Variants in TMEM116 observed in about 807,000 individuals in gnomAD.
The protein encoded by TMEM116 is transmembrane protein 116.
Under a neutral mutation model 44.3 loss-of-function variants are expected in TMEM116, and 38 were observed. That is an observed-to-expected ratio of 0.86 (90% CI 0.66 to 1.12). The LOEUF (loss-of-function observed/expected upper bound fraction) is 1.12. Ranked by LOEUF, TMEM116 falls within the 50% of genes most tolerant of loss-of-function variation. The pLI is 0.00. For missense variants in TMEM116, 354 were observed against 401.7 expected (o/e 0.88, Z 1.01); for synonymous variants, 132 against 144.8 (o/e 0.91, Z 0.64).
rs1463934381 is a variant in TMEM116 at position 111,976,593 on chromosome 12, AAAGGC to A, written c.210+15160_210+15164del. 2.0e-5 allele frequency among the ~76,000 whole-genome samples: 3 copies of A among 152,224 alleles called. No homozygotes were observed. In the East Asian group the frequency reaches 5.8e-4, roughly 29 times the overall value. On this transcript the variant is annotated intron_variant, in intron 4 of 10. Transcript: ENST00000552374. Reference sequence around the variant, plus strand: ...TTCAACAAAAAATTACAGGGCACGTAAAGGCAAGAAAAACAAACACAGTCTGACAA... The same window carrying A: ...TTCAACAAAAAATTACAGGGCACGTAAAGAAAAACAAACACAGTCTGACAA...
intron 5 of TMEM116, among the ~76,000 whole-genome samples, chr12:111,938,965 T>C (rs968319918): frequency 3.3e-5 from 5 of 152,142 alleles, no homozygotes; most frequent in Admixed American, 2.0e-4. Context: ...TAATCAGATA[T>C]TGGTAATTAA....
intron 4 of TMEM116, among the ~76,000 whole-genome samples, chr12:111,989,895 C>T (rs997718783): frequency 7.2e-5 from 11 of 152,088 alleles, no homozygotes; most frequent in African/African-American, 2.4e-4. Context: ...TATGTAAAAA[C>T]TGATCAAGCT....
chr12:112,002,389 G>T (rs1344900628), intron 3 of TMEM116, among the ~76,000 whole-genome samples: 1 of 129,940 alleles, frequency 7.7e-6, no homozygotes, highest in Non-Finnish European at 1.6e-5. Flanking sequence ...GCGAAACTCT[G>T]TCTCAAAAAA....
intron 3 of TMEM116, among the ~76,000 whole-genome samples, chr12:112,000,032 T>C (rs2077164737): frequency 6.6e-6 from 1 of 152,202 alleles, no homozygotes; most frequent in Admixed American, 6.5e-5. Flanking sequence ...ACAATGAAAA[T>C]ATGTAGACAC....
At chr12:111,985,876 C>T (rs1356904549) in intron 4 of TMEM116, among the ~76,000 whole-genome samples, 1 of 152,120 alleles carries the variant, frequency 6.6e-6, no homozygotes, top group East Asian at 1.9e-4. Flanking sequence ...GGATTGTAGG[C>T]ATGAGCCACC....
chr12:111,974,325 T>C (rs1480250385), intron 4 of TMEM116, among the ~76,000 whole-genome samples: 1 of 152,076 alleles, frequency 6.6e-6, no homozygotes, highest in East Asian at 1.9e-4. Flanking sequence ...CTGGAGGTTC[T>C]AGTCACTGCA....
intron 4 of TMEM116, among the ~76,000 whole-genome samples, chr12:111,969,124 C>T (rs556234936): frequency 6.6e-6 from 1 of 151,386 alleles, no homozygotes; most frequent in Non-Finnish European, 1.5e-5. Context: ...AGCTCAAGAC[C>T]AGCCTGACCA....
intron 4 of TMEM116, among the ~76,000 whole-genome samples, chr12:111,976,153 C>T (rs949808793): frequency 1.4e-4 from 22 of 151,756 alleles, no homozygotes; most frequent in African/African-American, 2.9e-4. Flanking sequence ...GGATTACAGG[C>T]GCACACCACA....
intron 2 of TMEM116, 89 bp downstream of exon 2, chr12:112,005,168 G>T: frequency 1.1e-6 from 1 of 881,992 alleles, no homozygotes; most frequent in Non-Finnish European, 1.6e-6. Context: ...AAGAGTAAAA[G>T]CAAATCCCCA....
chr12:111,933,652 C>G lies in TMEM116; in HGVS notation c.733+234G>C, dbSNP rs193244881. 1.6e-3 allele frequency among the ~76,000 whole-genome samples: 230 copies of G among 143,056 alleles called. 1 individual carries two copies. Among genetic ancestry groups the G allele is most frequent in the African/African-American group, 6.0e-3 (221 of 37,020 alleles). 93.9% of individuals were successfully genotyped at this position (143,056 alleles called of 152,430 possible). ...TATAGGCGCCTACCACCACGCCCGG[C>G]TAATTTTTTTTTTTTTTGTATTTTT... On this transcript the variant is annotated intron_variant, in intron 9 of 10. Transcript: ENST00000552374.
Position 111,931,649 on chromosome 12 carries a change from A to G in TMEM116, c.986T>C (p.Phe329Ser). 2 of 1,614,244 alleles carry G rather than the reference A, an allele frequency of 1.2e-6. No individual in the cohort carries two copies. Among genetic ancestry groups the G allele is most frequent in the Non-Finnish European group, 1.7e-6 (2 of 1,180,032 alleles). ...GLNSLESTLT[F>S]PASTSTIF ...AAAAATGGTAGAAGTACTGGCAGGA[A>G]AAGTCAGGGTGGATTCCAGTGAATT... Residue 329 changes from phenylalanine to serine, a missense_variant, in exon 11 of 11, where the codon TTT becomes TCT. Coordinates refer to ENST00000552374, the MANE Select transcript of TMEM116 (RefSeq NM_001193531.2).
intron 3 of TMEM116, among the ~76,000 whole-genome samples, chr12:111,997,530 G>A (rs1229944830): frequency 1.3e-5 from 2 of 152,056 alleles, no homozygotes; most frequent in East Asian, 3.8e-4. Context: ...ACTATGGCCT[G>A]AGTGGCACAG....
At chr12:111,937,821 G>A (rs1245242661) in intron 6 of TMEM116, among the ~76,000 whole-genome samples, 9 of 152,138 alleles carry the variant, frequency 5.9e-5, no homozygotes, top group African/African-American at 2.2e-4. Flanking sequence ...CTTACCCAAT[G>A]TTATAAAGTA....
intron 3 of TMEM116, among the ~76,000 whole-genome samples, chr12:111,997,103 G>C (rs940061347): frequency 2.0e-5 from 3 of 152,170 alleles, no homozygotes; most frequent in Admixed American, 1.3e-4. Flanking sequence ...GCTGTGATTG[G>C]GAAGAACCTC....
rs757687891 is a variant in TMEM116 at position 111,931,621 on chromosome 12, T to C, written c.1014A>G (p.Ter338TrpextTer27). 2 of 1,613,830 alleles carry C rather than the reference T, an allele frequency of 1.2e-6. No homozygotes were observed. Among genetic ancestry groups the C allele is most frequent in the Non-Finnish European group, 1.7e-6 (2 of 1,179,736 alleles). ...TCCTGGATGTTCCAGTATTGTAGTT[T>C]CAAAAAATGGTAGAAGTACTGGCAG... ...TFPASTSTIF[*>W] is the part of the protein sequence containing the mutation. Residue 338 changes from the stop codon to tryptophan, a stop_lost, in exon 11 of 11, where the codon TGA becomes TGG. Coordinates refer to ENST00000552374, the MANE Select transcript of TMEM116 (RefSeq NM_001193531.2).
In TMEM116 at chr12:111,959,560, TAA is replaced by T. The variant is rs1459034653; in HGVS notation, c.211-16193_211-16192del. On this transcript the variant is annotated intron_variant, in intron 4 of 10. Coordinates refer to ENST00000552374, the MANE Select transcript of TMEM116 (RefSeq NM_001193531.2). The stretch of plus-strand genomic sequence containing the variant: ...AAAAGACACAGACCGGCAAATTGGA[TAA>T]AGAGTCAAGACCCATTGGTGTACTG... Among the ~76,000 whole-genome samples, 3 of 152,266 alleles carry T rather than the reference TAA, an allele frequency of 2.0e-5. No individual in the cohort carries two copies. In the East Asian group the frequency reaches 5.8e-4, roughly 29 times the overall value.
intron 9 of TMEM116, 108 bp downstream of exon 9, chr12:111,933,778 G>C (rs1807854057): frequency 2.2e-6 from 3 of 1,389,882 alleles, no homozygotes; most frequent in East Asian, 2.3e-5. Flanking sequence ...TTACAGGTGT[G>C]AGCCACTGTG....
intron 4 of TMEM116, among the ~76,000 whole-genome samples, chr12:111,963,438 G>T (rs2074751881): frequency 6.6e-6 from 1 of 152,202 alleles, no homozygotes; most frequent in African/African-American, 2.4e-5. Flanking sequence ...GCCCGTCAAT[G>T]ATAGACTGGA....
chr12:111,952,120 T>C (rs1236259417), intron 4 of TMEM116, among the ~76,000 whole-genome samples: 18 of 152,072 alleles, frequency 1.2e-4, no homozygotes, highest in Admixed American at 1.2e-3. Context: ...TCCCAGCTAC[T>C]TGGGACGCTG....
Sources: gnomAD v4.1 joint callset for allele counts (sites outside exome capture counted in the v4.1 genomes callset) on GRCh38, gnomAD v4.1.1 for gene constraint, MANE v1.5 for transcripts, NCBI Gene and HGNC (gene_info 2026-07-23, HGNC 2026-07-21) for gene names.